MBD5: variants seen among roughly 807,000 people sequenced by gnomAD.
MBD5 encodes methyl-CpG-binding domain protein 5.
A neutral mutation model predicts 117.3 loss-of-function variants in MBD5; 13 were observed. The observed-to-expected ratio is 0.11, with a 90% CI of 0.07 to 0.18. The LOEUF is 0.18. Among genes scored for constraint, MBD5 ranks in the 10% least tolerant of loss-of-function variants. The pLI is 1.00. For synonymous variants in MBD5, 727 were observed against 766.4 expected (o/e 0.95, Z 0.85); for missense variants, 1,879 against 2,093.8 (o/e 0.90, Z 2.00).
At chr2:148,089,460 C>T (rs1695881204) in intron 1 of MBD5, among the ~76,000 whole-genome samples, 1 of 151,974 alleles carries the variant, frequency 6.6e-6, no homozygotes, top group Non-Finnish European at 1.5e-5. Context: ...AAGTAAGTCT[C>T]AATAAATTTA....
At chr2:148,479,698 T>C (rs1343134420) in intron 8 of MBD5, among the ~76,000 whole-genome samples, 1 of 146,056 alleles carries the variant, frequency 6.8e-6, no homozygotes, top group Non-Finnish European at 1.5e-5. Context: ...TTACCTTCCA[T>C]CTACTTTATT....
At chr2:148,324,636 G>T (rs1200299633) in intron 3 of MBD5, among the ~76,000 whole-genome samples, 2 of 151,842 alleles carry the variant, frequency 1.3e-5, no homozygotes, top group East Asian at 1.9e-4. Flanking sequence ...CTCTCTGTTT[G>T]TCTGTTGTTG....
intron 3 of MBD5, among the ~76,000 whole-genome samples, chr2:148,319,315 G>A (rs1257177322): frequency 6.6e-6 from 1 of 152,064 alleles, no homozygotes; most frequent in Non-Finnish European, 1.5e-5. Flanking sequence ...ATTTGATAGG[G>A]ATTGTAATGA....
At chr2:148,085,521 G>A (rs1004529624) in intron 1 of MBD5, among the ~76,000 whole-genome samples, 7 of 151,722 alleles carry the variant, frequency 4.6e-5, no homozygotes, top group Non-Finnish European at 2.9e-5. Flanking sequence ...TCAGGAGATC[G>A]AGACCATCCC....
intron 3 of MBD5, among the ~76,000 whole-genome samples, chr2:148,266,195 G>A (rs997821720): frequency 5.9e-5 from 9 of 152,160 alleles, no homozygotes; most frequent in East Asian, 1.9e-4. Context: ...TCCTGACCAC[G>A]TAGGCTTTAT....
At chr2:148,272,181 T>G (rs1701001892) in intron 3 of MBD5, among the ~76,000 whole-genome samples, 1 of 152,226 alleles carries the variant, frequency 6.6e-6, no homozygotes, top group Non-Finnish European at 1.5e-5. Flanking sequence ...TCTTTACCTA[T>G]TCATCTGCTG....
intron 4 of MBD5, among the ~76,000 whole-genome samples, chr2:148,357,340 T>G (rs1252065535): frequency 1.3e-5 from 2 of 152,220 alleles, no homozygotes; most frequent in African/African-American, 4.8e-5. Context: ...CTAGTTTATC[T>G]GGGACTCTAG....
chr2:148,145,254 G>A (rs920157076), intron 1 of MBD5, among the ~76,000 whole-genome samples: 4 of 152,086 alleles, frequency 2.6e-5, no homozygotes, highest in Non-Finnish European at 5.9e-5. Flanking sequence ...CTGTTTGTCT[G>A]TTATTGCTTT....
rs200434229 is a variant in MBD5 at position 148,064,121 on chromosome 2, C to CTTTTTTTTTTTTTTTTTTTTTTTTTT, written c.-925+42443_-925+42444insTTTTTTTTTTTTTTTTTTTTTTTTTT. On this transcript the variant is annotated intron_variant, in intron 1 of 13. Coordinates refer to ENST00000642680, the MANE Select transcript of MBD5 (RefSeq NM_001378120.1). Reference sequence around the variant, plus strand: ...GAAACATACTATTCCCACCAGCTGTCTTTTTTCTTTTTTTTTTTTTTTGAG... The same window carrying CTTTTTTTTTTTTTTTTTTTTTTTTTT: ...GAAACATACTATTCCCACCAGCTGTCTTTTTTTTTTTTTTTTTTTTTTTTTTTTTTTTCTTTTTTTTTTTTTTTGAG... Among the ~76,000 whole-genome samples the CTTTTTTTTTTTTTTTTTTTTTTTTTT allele has an allele frequency of 1.6e-5, 2 of 126,152 alleles. 1 individual carries two copies. Among genetic ancestry groups the CTTTTTTTTTTTTTTTTTTTTTTTTTT allele is most frequent in the African/African-American group, 6.3e-5 (2 of 31,766 alleles). 82.8% of individuals were successfully genotyped at this position (126,152 alleles called of 152,430 possible).
At chr2:148,271,992 A>G (rs188182994) in intron 3 of MBD5, among the ~76,000 whole-genome samples, 32 of 152,198 alleles carry the variant, frequency 2.1e-4, no homozygotes, top group African/African-American at 7.2e-4. Context: ...CTCCACTACT[A>G]TGAGTTTGAC....
intron 1 of MBD5, among the ~76,000 whole-genome samples, chr2:148,034,995 T>C (rs1694150750): frequency 6.6e-6 from 1 of 152,190 alleles, no homozygotes; most frequent in Non-Finnish European, 1.5e-5. Context: ...GCTGTTAAAG[T>C]TCTGAACTTT....
intron 2 of MBD5, among the ~76,000 whole-genome samples, chr2:148,197,658 C>T (rs1362157042): frequency 6.6e-6 from 1 of 152,034 alleles, no homozygotes; most frequent in Admixed American, 6.6e-5. Flanking sequence ...AAGTATGATG[C>T]TTCATTCTTC....
intron 1 of MBD5, among the ~76,000 whole-genome samples, chr2:148,142,665 G>A (rs151299052): frequency 6.6e-6 from 1 of 152,240 alleles, no homozygotes; most frequent in East Asian, 1.9e-4. Context: ...AAGGGGCAAA[G>A]AAAAGTACCA....
intron 1 of MBD5, among the ~76,000 whole-genome samples, chr2:148,125,723 G>A (rs1257573009): frequency 6.6e-6 from 1 of 152,166 alleles, no homozygotes; most frequent in African/African-American, 2.4e-5. Flanking sequence ...TAGTGCAAAT[G>A]CCTTACTTAA....
chr2:148,065,895 G>C (rs1487872181), intron 1 of MBD5, among the ~76,000 whole-genome samples: 2 of 152,186 alleles, frequency 1.3e-5, no homozygotes, highest in Non-Finnish European at 2.9e-5. Flanking sequence ...TAGTTAATAA[G>C]ACATATCTGT....
intron 11 of MBD5, among the ~76,000 whole-genome samples, chr2:148,500,114 A>G (rs1334338076): frequency 6.6e-6 from 1 of 152,278 alleles, no homozygotes; most frequent in Non-Finnish European, 1.5e-5. Flanking sequence ...TGAAGAAACC[A>G]TGGCAGAGTA....
chr2:148,439,282 A>G (rs1706248192), intron 4 of MBD5, among the ~76,000 whole-genome samples: 1 of 152,170 alleles, frequency 6.6e-6, no homozygotes, highest in Non-Finnish European at 1.5e-5. Context: ...TGAGGATTGT[A>G]TCTTTTGGGG....
At chr2:148,472,299 A>G (rs1574464432) in intron 8 of MBD5, 1 of 152,114 alleles carries the variant, frequency 6.6e-6, no homozygotes, top group Non-Finnish European at 1.5e-5. Flanking sequence ...GAAAAGTGTG[A>G]GCATATAAAT....
chr2:148,243,762 CG>C (rs1700272769), intron 3 of MBD5: 1 of 151,852 alleles, frequency 6.6e-6, no homozygotes, highest in South Asian at 2.1e-4. Context: ...AGACCTTTTT[CG>C]GGGACCCAAG....
Sources: allele counts gnomAD v4.1 joint callset (sites outside exome capture counted in the v4.1 genomes callset), GRCh38; gene constraint gnomAD v4.1.1; transcripts MANE v1.5; gene names NCBI Gene and HGNC (gene_info 2026-07-23, HGNC 2026-07-21).